The following SLC12A7 variants were observed in gnomAD, a reference collection of about 807,000 sequenced individuals.
SLC12A7 encodes solute carrier family 12 member 7.
SLC12A7 carries 100 observed loss-of-function variants against 120.6 expected under a neutral mutation model. The ratio of observed to expected loss-of-function variants is 0.83; its 90% CI spans 0.71 to 0.98. The LOEUF (loss-of-function observed/expected upper bound fraction) is 0.98. Among genes scored for constraint, SLC12A7 ranks in the 50% least tolerant of loss-of-function variants. The probability of loss-of-function intolerance (pLI) is 0.00; values close to 1 mark genes in which losing one functional copy is unlikely to be tolerated. For missense variants in SLC12A7, 1,373 were observed against 1,548.1 expected (o/e 0.89, Z 1.90); for synonymous variants, 760 against 678.0 (o/e 1.12, Z -1.88).
intron 1 of SLC12A7, among the ~76,000 whole-genome samples, chr5:1,100,260 G>A (rs1471322531): frequency 6.6e-6 from 1 of 152,234 alleles, no homozygotes; most frequent in Admixed American, 6.5e-5. Flanking sequence ...GCCGCCTGAT[G>A]AGGCTTGTAC....
chr5:1,090,438 G>C (rs886095393), intron 3 of SLC12A7, among the ~76,000 whole-genome samples: 1 of 152,236 alleles, frequency 6.6e-6, no homozygotes, highest in Admixed American at 6.5e-5. Flanking sequence ...GGAGAGGAGA[G>C]GGTGACGGGG....
intron 1 of SLC12A7, among the ~76,000 whole-genome samples, chr5:1,102,051 T>C (rs919604918): frequency 1.3e-5 from 2 of 152,196 alleles, no homozygotes; most frequent in Non-Finnish European, 2.9e-5. Flanking sequence ...ATGCAGACCC[T>C]GTGGTCAGTA....
intron 9 of SLC12A7, among the ~76,000 whole-genome samples, chr5:1,080,658 G>A (rs1183054737): frequency 6.6e-6 from 1 of 152,208 alleles, no homozygotes; most frequent in East Asian, 1.9e-4. Flanking sequence ...GCGTGTGTGT[G>A]CGACTCGAAG....
intron 15 of SLC12A7, 49 bp downstream of exon 15, chr5:1,075,322 G>T (rs948801930): frequency 6.3e-6 from 10 of 1,584,092 alleles, no homozygotes; most frequent in Admixed American, 5.1e-5. Context: ...CATGAGAGGG[G>T]CCCGCCCTCC....
the SLC12A7 span, among the ~76,000 whole-genome samples, chr5:1,155,421 TCGGCCCATCCCCG>T: frequency 2.0e-5 from 3 of 146,552 alleles, no homozygotes; most frequent in East Asian, 6.8e-4. Flanking sequence ...CCGGGAGCTG[TCGGCCCATCCCCG>T]CGGCCCCTGC....
At chr5:1,080,426 G>A (rs558744639) in intron 9 of SLC12A7, among the ~76,000 whole-genome samples, 53 of 152,330 alleles carry the variant, frequency 3.5e-4, no homozygotes, top group African/African-American at 1.2e-3. Context: ...ATAGCAAGAC[G>A]GGCCCACCTT....
In SLC12A7 at chr5:1,052,441, A is replaced by G. The variant is rs201170652; in HGVS notation, c.3171T>C (p.Phe1057=). The change falls in exon 24 of 24, where the codon TTT becomes TTC. Residue 1057 remains phenylalanine (F), a synonymous_variant. Transcript: ENST00000264930. Reference sequence around the variant, plus strand: ...TCAGCCCCTCGGTCAGGACTTCAAGAAACTCCATGTCTGTGGTCAACAGAG... The same window carrying G: ...TCAGCCCCTCGGTCAGGACTTCAAGGAACTCCATGTCTGTGGTCAACAGAG... ...NRQGDENYME[F]LEVLTEGLNR... The G allele has an allele frequency of 4.0e-4, 645 of 1,612,788 alleles. No individual in the cohort carries two copies. Among genetic ancestry groups the G allele is most frequent in the South Asian group, 1.9e-3 (170 of 91,070 alleles).
At position 1,104,502 on chromosome 5, in the gene SLC12A7, C is replaced by T. The variant is rs554350052; in HGVS notation, c.124+7366G>A. Among the ~76,000 whole-genome samples, 4 of 152,324 alleles carry T rather than the reference C, an allele frequency of 2.6e-5. No individual in the cohort carries two copies. The East Asian group carries it at 7.7e-4, about 29-fold the overall frequency. ...GCCAACCAAGCACACGGGCATGCTG[C>T]GTGCGGCTATCCATGGCCAGCCTTG... is the stretch of plus-strand genomic sequence containing the variant. On this transcript the variant is annotated intron_variant, in intron 1 of 23. Coordinates refer to ENST00000264930, the MANE Select transcript of SLC12A7 (RefSeq NM_006598.3).
chr5:1,131,557 C>G, the SLC12A7 span, among the ~76,000 whole-genome samples: 1 of 152,194 alleles, frequency 6.6e-6, no homozygotes, highest in Non-Finnish European at 1.5e-5. Flanking sequence ...GGGCAACCTG[C>G]CAGGACCACC....
At position 1,091,999 on chromosome 5, in the gene SLC12A7, T is replaced by C. The variant is rs562118028; in HGVS notation, c.342+1534A>G. On this transcript the variant is annotated intron_variant, in intron 3 of 23. Coordinates refer to ENST00000264930, the MANE Select transcript of SLC12A7 (RefSeq NM_006598.3). ...CAGAAAGAGGTCCAGAGATGCAGCT[T>C]CTGAAGAGGCCACTACCCTGTCCTG... Among the ~76,000 whole-genome samples the C allele has an allele frequency of 3.9e-5, 6 of 152,276 alleles. No homozygotes were observed. In the South Asian group the frequency reaches 1.0e-3, roughly 26 times the overall value.
intron 17 of SLC12A7, among the ~76,000 whole-genome samples, chr5:1,068,032 T>C (rs1737244808): frequency 6.6e-6 from 1 of 152,204 alleles, no homozygotes. Context: ...GGACCCCTTT[T>C]ATGCCAATCA....
the SLC12A7 span, among the ~76,000 whole-genome samples, chr5:1,123,949 G>A: frequency 2.6e-5 from 4 of 152,200 alleles, no homozygotes; most frequent in African/African-American, 9.7e-5. Context: ...GCATCACGAG[G>A]TCAGGCCAAT....
the SLC12A7 span, among the ~76,000 whole-genome samples, chr5:1,143,302 G>C: frequency 6.6e-6 from 1 of 152,216 alleles, no homozygotes; most frequent in Non-Finnish European, 1.5e-5. Flanking sequence ...CATGGGCGGG[G>C]GCTTCAACAC....
At chr5:1,100,344 C>G (rs1658480940) in intron 1 of SLC12A7, among the ~76,000 whole-genome samples, 1 of 152,230 alleles carries the variant, frequency 6.6e-6, no homozygotes, top group Non-Finnish European at 1.5e-5. Flanking sequence ...GGGAAAGAAG[C>G]CCATGTAAAG....
intron 1 of SLC12A7, among the ~76,000 whole-genome samples, chr5:1,103,155 C>CG (rs887909633): frequency 2.4e-4 from 37 of 152,202 alleles, no homozygotes; most frequent in African/African-American, 8.2e-4. Context: ...GGCTGGGACA[C>CG]GGGGGGCTTC....
At chr5:1,063,520 GCTTT>G (rs1736540801) in intron 20 of SLC12A7, among the ~76,000 whole-genome samples, 1 of 152,144 alleles carries the variant, frequency 6.6e-6, no homozygotes, top group African/African-American at 2.4e-5. Flanking sequence ...GGGGCTCTGT[GCTTT>G]CTGTGATGTC....
At chr5:1,129,452 C>T in the SLC12A7 span, among the ~76,000 whole-genome samples, 2 of 152,182 alleles carry the variant, frequency 1.3e-5, no homozygotes, top group Non-Finnish European at 2.9e-5. Flanking sequence ...CCGGGCTTCC[C>T]CTAGCGTAAG....
At chr5:1,107,384 G>C (rs1742610193) in intron 1 of SLC12A7, among the ~76,000 whole-genome samples, 1 of 152,244 alleles carries the variant, frequency 6.6e-6, no homozygotes, top group South Asian at 2.1e-4. Context: ...GGTCCAGGGA[G>C]CTGTGTAGGA....
At chr5:1,054,973 G>A (rs1439505267) in intron 22 of SLC12A7, among the ~76,000 whole-genome samples, 2 of 152,214 alleles carry the variant, frequency 1.3e-5, no homozygotes, top group Non-Finnish European at 2.9e-5. Flanking sequence ...AGTGAAAGCA[G>A]GCCAGGAGCA....
Sources: allele counts gnomAD v4.1 joint callset (sites outside exome capture counted in the v4.1 genomes callset), GRCh38; gene constraint gnomAD v4.1.1; transcripts MANE v1.5; gene names NCBI Gene and HGNC (gene_info 2026-07-23, HGNC 2026-07-21).